SGMS2: variants seen among roughly 807,000 people sequenced by gnomAD.
SGMS2 encodes sphingomyelin synthase 2, also known as phosphatidylcholine:ceramide cholinephosphotransferase 2.
SGMS2 carries 21 observed loss-of-function variants against 43.8 expected under a neutral mutation model. The ratio of observed to expected loss-of-function variants is 0.48; its 90% CI spans 0.34 to 0.69. The LOEUF (loss-of-function observed/expected upper bound fraction) is 0.69, where lower values mean the gene tolerates loss of function less well. SGMS2 is among the 30% of genes least tolerant of loss of function. SGMS2 has a pLI of 0.01. For missense variants in SGMS2, 384 were observed against 443.2 expected (o/e 0.87, Z 1.20); for synonymous variants, 167 against 160.6 (o/e 1.04, Z -0.30).
intron 2 of SGMS2, among the ~76,000 whole-genome samples, chr4:107,878,269 C>T (rs1360366792): frequency 6.6e-6 from 1 of 152,078 alleles, no homozygotes; most frequent in African/African-American, 2.4e-5. Context: ...AAGGAAGACA[C>T]TATTTGGGGA....
At chr4:107,882,388 GT>G (rs1446807571) in intron 2 of SGMS2, among the ~76,000 whole-genome samples, 1 of 152,076 alleles carries the variant, frequency 6.6e-6, no homozygotes, top group Non-Finnish European at 1.5e-5. Context: ...TCATATAGCT[GT>G]TTGCCATCTG....
At chr4:107,859,155 G>A (rs1727590646) in intron 2 of SGMS2, among the ~76,000 whole-genome samples, 1 of 152,038 alleles carries the variant, frequency 6.6e-6, no homozygotes, top group Non-Finnish European at 1.5e-5. Flanking sequence ...TTTTATTCTT[G>A]AAAATAAAAA....
intron 1 of SGMS2, among the ~76,000 whole-genome samples, chr4:107,827,984 TCAAAACAAAA>T (rs541850484): frequency 1.1e-4 from 16 of 152,176 alleles, no homozygotes; most frequent in South Asian, 4.2e-4. Context: ...AGACTCTGTC[TCAAAACAAAA>T]CAAAACAAAA....
chr4:107,897,806 A>T (rs867488870), intron 3 of SGMS2, among the ~76,000 whole-genome samples: 4 of 152,316 alleles, frequency 2.6e-5, no homozygotes, highest in Middle Eastern at 6.8e-3. Flanking sequence ...AATAATTTTT[A>T]TAACCTGTTT....
chr4:107,888,122 C>G (rs1476627545), intron 2 of SGMS2, among the ~76,000 whole-genome samples: 1 of 152,100 alleles, frequency 6.6e-6, no homozygotes, highest in Admixed American at 6.6e-5. Context: ...AGTTGAATAG[C>G]TTTAATTTCT....
At chr4:107,880,444 T>C (rs566662947) in intron 2 of SGMS2, among the ~76,000 whole-genome samples, 1 of 152,274 alleles carries the variant, frequency 6.6e-6, no homozygotes, top group Non-Finnish European at 1.5e-5. Flanking sequence ...ATTTTGTGGG[T>C]GCTTCTGAAA....
chr4:107,890,715 A>C (rs1578625137), intron 2 of SGMS2, among the ~76,000 whole-genome samples: 1 of 152,176 alleles, frequency 6.6e-6, no homozygotes, highest in East Asian at 1.9e-4. Flanking sequence ...GGGAGAAAAA[A>C]GGAATAAAAA....
At chr4:107,852,091 CAG>C (rs1251999207) in intron 1 of SGMS2, among the ~76,000 whole-genome samples, 1 of 148,874 alleles carries the variant, frequency 6.7e-6, no homozygotes. Context: ...TTTTTTGAGA[CAG>C]AGTCTCACTT....
At chr4:107,841,528 G>T (rs562584909) in intron 1 of SGMS2, among the ~76,000 whole-genome samples, 58 of 152,130 alleles carry the variant, frequency 3.8e-4, no homozygotes, top group African/African-American at 1.2e-3. Context: ...ATTGTCCTTG[G>T]ATCTTCAGTT....
intron 2 of SGMS2, among the ~76,000 whole-genome samples, chr4:107,889,232 T>G (rs1386420846): frequency 6.6e-6 from 1 of 152,196 alleles, no homozygotes; most frequent in Non-Finnish European, 1.5e-5. Context: ...ATCAATGTCT[T>G]GTTTATTAAA....
At chr4:107,891,910 G>T (rs539526498) in intron 2 of SGMS2, among the ~76,000 whole-genome samples, 4 of 152,168 alleles carry the variant, frequency 2.6e-5, no homozygotes, top group Non-Finnish European at 5.9e-5. Flanking sequence ...TAGCCATTTT[G>T]TATTGGCACA....
intron 1 of SGMS2, among the ~76,000 whole-genome samples, chr4:107,832,477 A>G (rs1352017910): frequency 1.3e-5 from 2 of 152,230 alleles, no homozygotes; most frequent in Non-Finnish European, 2.9e-5. Flanking sequence ...AGGGGGGTTA[A>G]GTCACGTACT....
chr4:107,902,626 ATTTCT>A (rs1731222611), intron 4 of SGMS2, among the ~76,000 whole-genome samples: 1 of 152,132 alleles, frequency 6.6e-6, no homozygotes, highest in African/African-American at 2.4e-5. Context: ...CACACAGGCT[ATTTCT>A]TTAGGGGATG....
At chr4:107,858,189 G>C (rs1727534340) in intron 1 of SGMS2, among the ~76,000 whole-genome samples, 1 of 152,194 alleles carries the variant, frequency 6.6e-6, no homozygotes, top group African/African-American at 2.4e-5. Flanking sequence ...CGAACATCAG[G>C]AGGCAAGGGA....
intron 2 of SGMS2, chr4:107,873,945 A>G (rs943404977): frequency 6.6e-6 from 1 of 152,044 alleles, no homozygotes; most frequent in Non-Finnish European, 1.5e-5. Context: ...CCACATTTTT[A>G]TTCTCTTTTA....
chr4:107,873,161 G>C (rs1028067302), intron 2 of SGMS2, among the ~76,000 whole-genome samples: 1 of 152,108 alleles, frequency 6.6e-6, no homozygotes, highest in African/African-American at 2.4e-5. Context: ...AATTAGAATA[G>C]GGTAGAAGCT....
At chr4:107,886,364 ATTTTTTTTT>A (rs67228519) in intron 2 of SGMS2, among the ~76,000 whole-genome samples, 68,901 of 106,098 alleles carry the variant, frequency 0.65, 21,715 homozygotes, top group African/African-American at 0.79. Flanking sequence ...CACCCAGCTA[ATTTTTTTTT>A]TTTTTTTTTT....
chr4:107,832,785 T>G (rs1056436418), intron 1 of SGMS2, among the ~76,000 whole-genome samples: 21 of 152,190 alleles, frequency 1.4e-4, no homozygotes, highest in African/African-American at 4.8e-4. Flanking sequence ...CCCAGCACTT[T>G]GGGAGGCCAA....
At chr4:107,837,600 G>C (rs907336406) in intron 1 of SGMS2, among the ~76,000 whole-genome samples, 1 of 152,150 alleles carries the variant, frequency 6.6e-6, no homozygotes, top group Non-Finnish European at 1.5e-5. Context: ...CAAATGCCAC[G>C]AGAAGGCATT....
Sources: gnomAD v4.1 joint callset for allele counts (sites outside exome capture counted in the v4.1 genomes callset) on GRCh38, gnomAD v4.1.1 for gene constraint, MANE v1.5 for transcripts, NCBI Gene and HGNC (gene_info 2026-07-23, HGNC 2026-07-21) for gene names.